Variants in ESRP1 observed in about 807,000 individuals in gnomAD.
ESRP1 encodes the protein epithelial splicing regulatory protein 1, also known as RNA-binding motif protein 35A.
ESRP1 carries 33 observed loss-of-function variants against 81.7 expected under a neutral mutation model. That is an observed-to-expected ratio of 0.40 (90% CI 0.31 to 0.54). The LOEUF (loss-of-function observed/expected upper bound fraction) is 0.54. ESRP1 is among the 20% of genes least tolerant of loss of function. The pLI is 0.41. For missense variants in ESRP1, 672 were observed against 833.1 expected, an observed-to-expected ratio of 0.81 and a Z score of 2.38; for synonymous variants, 320 against 303.3, an observed-to-expected ratio of 1.06 and a Z score of -0.57.
In ESRP1 at chr8:94,665,190, G is replaced by A. The variant is rs1442626562; in HGVS notation, c.925G>A (p.Ala309Thr). The stretch of plus-strand genomic sequence containing the variant: ...AACAGGTGAAGATTTCCTTAAAATT[G>A]CTGGTGGTAAGTGCCTTTTACATAA... ...KATGEDFLKI[A>T]GGTSNEVAQF... Residue 309 changes from alanine to threonine, a missense_variant, in exon 9 of 16, where the codon GCT becomes ACT. By Grantham distance (58) the Ala-to-Thr change is moderately conservative. Coordinates refer to ENST00000433389, the MANE Select transcript of ESRP1 (RefSeq NM_017697.4). 10 of 1,612,736 alleles carry A rather than the reference G, an allele frequency of 6.2e-6. No individual in the cohort carries two copies. The highest frequency in any genetic ancestry group is 8.5e-6 in the Non-Finnish European group (10 of 1,179,392).
chr8:94,661,752 G>A (rs935036525), intron 4 of ESRP1, among the ~76,000 whole-genome samples: 1 of 152,122 alleles, frequency 6.6e-6, no homozygotes, highest in African/African-American at 2.4e-5. Flanking sequence ...CTATCCTACA[G>A]GGCTCCAAAA....
Position 94,671,623 on chromosome 8 carries a change from C to T in ESRP1, c.1404C>T (p.Phe468=), listed in dbSNP as rs565423201. Residue 468 remains phenylalanine (F), a synonymous_variant, in exon 11 of 16, where the codon TTC becomes TTT. Transcript: ENST00000433389. ...IEDILDFLGE[F]ATDIRTHGVH... is the part of the protein sequence containing the mutation. Reference sequence around the variant, plus strand: ...ACATCCTGGATTTCCTGGGGGAGTTCGCCACAGATATTCGTACTCATGGGG... The same window carrying T: ...ACATCCTGGATTTCCTGGGGGAGTTTGCCACAGATATTCGTACTCATGGGG... 37 of 1,613,858 alleles carry T rather than the reference C, an allele frequency of 2.3e-5. No individual in the cohort carries two copies. In the Admixed American group the frequency reaches 3.5e-4, roughly 15 times the overall value.
rs538629034 is a variant in ESRP1 at position 94,692,852 on chromosome 8, C to A, written c.1971+25C>A. 29 of 1,603,464 alleles carry A rather than the reference C, an allele frequency of 1.8e-5. 1 individual carries two copies. In the South Asian group the frequency reaches 3.0e-4, roughly 17 times the overall value. ...GGTCAGTAGCTTGAAGGAGAATAAT[C>A]CTCAGTGCCCTTATTACTTAAGTTG... On this transcript the variant is annotated intron_variant, in intron 14 of 15. Coordinates refer to ENST00000433389, the MANE Select transcript of ESRP1 (RefSeq NM_017697.4).
At chr8:94,697,764 C>T (rs1809661800) in intron 15 of ESRP1, among the ~76,000 whole-genome samples, 1 of 151,888 alleles carries the variant, frequency 6.6e-6, no homozygotes. Flanking sequence ...ATACTTTTTC[C>T]TGTTTCTTCT....
intron 9 of ESRP1, among the ~76,000 whole-genome samples, chr8:94,667,068 G>GGGGGTGTGTGTGTGTGTGT (rs1554577644): frequency 6.9e-6 from 1 of 144,244 alleles, no homozygotes; most frequent in African/African-American, 2.6e-5. Flanking sequence ...CCAGGAGAGG[G>GGGGGTGTGTGTGTGTGTGT]GTGTGTGTGT....
chr8:94,672,936 C>A (rs1017966040), intron 11 of ESRP1, among the ~76,000 whole-genome samples: 6 of 151,984 alleles, frequency 3.9e-5, no homozygotes, highest in South Asian at 2.1e-4. Flanking sequence ...ATTTTTTTCC[C>A]CTAAATTGCT....
intron 4 of ESRP1, 48 bp downstream of exon 4, chr8:94,646,330 G>GAAAA (rs1563516295): frequency 7.4e-6 from 9 of 1,213,130 alleles, no homozygotes; most frequent in Non-Finnish European, 9.1e-6. Context: ...GATAGTTCCA[G>GAAAA]AAAAGGTAAT....
intron 9 of ESRP1, among the ~76,000 whole-genome samples, chr8:94,667,068 G>GGGGGGTGTGTGTGTGT (rs1554577644): frequency 1.3e-4 from 19 of 144,320 alleles, no homozygotes; most frequent in Non-Finnish European, 1.9e-4. Context: ...CCAGGAGAGG[G>GGGGGGTGTGTGTGTGT]GTGTGTGTGT....
intron 15 of ESRP1, among the ~76,000 whole-genome samples, chr8:94,700,082 C>A (rs1298680821): frequency 6.6e-6 from 1 of 152,156 alleles, no homozygotes; most frequent in African/African-American, 2.4e-5. Context: ...AGGCAACTTA[C>A]ACAAGTCATA....
chr8:94,664,482 C>G (rs189729227), intron 6 of ESRP1, among the ~76,000 whole-genome samples: 1 of 152,164 alleles, frequency 6.6e-6, no homozygotes, highest in Non-Finnish European at 1.5e-5. Flanking sequence ...TGGGCCTGCA[C>G]AGGCAGCCAT....
intron 4 of ESRP1, among the ~76,000 whole-genome samples, chr8:94,657,706 A>T (rs1343744877): frequency 2.0e-5 from 3 of 152,208 alleles, no homozygotes; most frequent in Non-Finnish European, 4.4e-5. Flanking sequence ...CATTAAAATG[A>T]TTCTTCAGCT....
At chr8:94,675,144 T>G (rs1052457050) in intron 12 of ESRP1, among the ~76,000 whole-genome samples, 3 of 151,634 alleles carry the variant, frequency 2.0e-5, no homozygotes, top group African/African-American at 7.2e-5. Context: ...TCTGGAATCC[T>G]ATTTGAGGGG....
intron 9 of ESRP1, among the ~76,000 whole-genome samples, chr8:94,665,804 A>G (rs549095304): frequency 1.3e-5 from 2 of 152,018 alleles, no homozygotes; most frequent in Non-Finnish European, 2.9e-5. Context: ...AGGAAATGAT[A>G]TTCTTGAAAA....
intron 2 of ESRP1, 95 bp from the exon 3 acceptor site, chr8:94,643,208 T>A: frequency 1.3e-6 from 1 of 781,592 alleles, no homozygotes; most frequent in Non-Finnish European, 2.2e-6. Context: ...AGGGCCCTTA[T>A]TGCGGTTTTC....
chr8:94,667,008 G>A (rs1180130964), intron 9 of ESRP1, among the ~76,000 whole-genome samples: 1 of 151,846 alleles, frequency 6.6e-6, no homozygotes, highest in Non-Finnish European at 1.5e-5. Context: ...TTCGAGGCCA[G>A]CCTGGCCAAT....
chr8:94,668,097 C>G lies in ESRP1; in HGVS notation c.1080C>G (p.Leu360=), dbSNP rs1456593440. The G allele has an allele frequency of 6.2e-7, 1 of 1,614,020 alleles. No homozygotes were observed. Among genetic ancestry groups the G allele is most frequent in the Non-Finnish European group, 8.5e-7 (1 of 1,179,884 alleles). Residue 360 remains leucine (L), a synonymous_variant, in exon 10 of 16, where the codon CTC becomes CTG. Coordinates refer to ENST00000433389, the MANE Select transcript of ESRP1 (RefSeq NM_017697.4). ...TTACTGGGGGAAAGGAAGGCATCCT[C>G]TTTGTCACCTACCCAGATGGTAGGC... ...CPITGGKEGI[L]FVTYPDGRPT...
At chr8:94,653,378 C>A (rs896383775) in intron 4 of ESRP1, among the ~76,000 whole-genome samples, 2 of 151,986 alleles carry the variant, frequency 1.3e-5, no homozygotes, top group African/African-American at 4.8e-5. Flanking sequence ...CCTCAGATTC[C>A]CCATCTTAAA....
At chr8:94,701,451 T>C (rs918095104) in intron 15 of ESRP1, among the ~76,000 whole-genome samples, 2 of 152,078 alleles carry the variant, frequency 1.3e-5, no homozygotes, top group Non-Finnish European at 2.9e-5. Flanking sequence ...AGTGGAGATA[T>C]GCTTCATTTA....
In ESRP1 at chr8:94,698,664, A is replaced by G. The variant is rs190689797; in HGVS notation, c.*35+1703A>G. Among the ~76,000 whole-genome samples, 10 of 152,236 alleles carry G rather than the reference A, an allele frequency of 6.6e-5. No individual in the cohort carries two copies. In the East Asian group the frequency reaches 1.9e-3, roughly 29 times the overall value. ...TGGGAATTGATACTGGTTTTTCATC[A>G]TTTTTGAGTTGAGTTTTCTGAAGCT... On this transcript the variant is annotated intron_variant, in intron 15 of 15. Coordinates refer to ENST00000433389, the MANE Select transcript of ESRP1 (RefSeq NM_017697.4).
Sources: allele counts gnomAD v4.1 joint callset (sites outside exome capture counted in the v4.1 genomes callset), GRCh38; gene constraint gnomAD v4.1.1; transcripts MANE v1.5; gene names NCBI Gene and HGNC (gene_info 2026-07-23, HGNC 2026-07-21).